The following TLE4 variants were observed in gnomAD, a reference collection of about 807,000 sequenced individuals.
The protein encoded by TLE4 is TLE family member 4, transcriptional corepressor.
In TLE4, 8 loss-of-function variants were observed where a neutral mutation model predicts 92.8. That is an observed-to-expected ratio of 0.09 (90% CI 0.05 to 0.16). The LOEUF (loss-of-function observed/expected upper bound fraction) is 0.16. TLE4 is among the 10% of genes least tolerant of loss of function. TLE4 has a pLI of 1.00. For synonymous variants in TLE4, 371 were observed against 374.1 expected (o/e 0.99, Z 0.10); for missense variants, 675 against 997.6 (o/e 0.68, Z 4.36).
At chr9:79,589,820 C>G (rs999267981) in intron 4 of TLE4, among the ~76,000 whole-genome samples, 1 of 152,092 alleles carries the variant, frequency 6.6e-6, no homozygotes, top group Admixed American at 6.5e-5. Context: ...CTGATTCTAC[C>G]CAACTGAGGC....
At position 79,574,847 on chromosome 9, in the gene TLE4, C is replaced by G. The variant is rs770245511; in HGVS notation, c.144-26C>G. 7 of 1,597,892 alleles carry G rather than the reference C, an allele frequency of 4.4e-6. No individual in the cohort carries two copies. In the Admixed American group the frequency reaches 1.2e-4, roughly 27 times the overall value. ...AAGGATGTAAGTTAAGATCATTGTA[C>G]TTAGAGTATCTTATGTCTTGAACAG... On this transcript the variant is annotated intron_variant, in intron 2 of 19. Transcript: ENST00000376552.
At chr9:79,621,796 A>T (rs1173654107) in intron 5 of TLE4, among the ~76,000 whole-genome samples, 2 of 152,136 alleles carry the variant, frequency 1.3e-5, no homozygotes. Flanking sequence ...TCTGGGTCTC[A>T]TGGTCTCTAA....
At chr9:79,696,580 A>G (rs979989010) in intron 8 of TLE4, among the ~76,000 whole-genome samples, 2 of 152,170 alleles carry the variant, frequency 1.3e-5, no homozygotes, top group African/African-American at 4.8e-5. Flanking sequence ...AAGAATATAT[A>G]TGAGAATCTG....
rs773213452 is a variant in TLE4 at position 79,726,639 on chromosome 9, G to A, written c.*1495G>A. The A allele has an allele frequency of 5.9e-5, 9 of 152,594 alleles. No homozygotes were observed. The highest frequency in any genetic ancestry group is 2.1e-4 in the South Asian group (1 of 4,826). The allele number at this position is 152,594 out of a possible 1,614,324, so 9.5% of individuals were successfully genotyped here. Reference sequence around the variant, plus strand: ...GAAAGATTTTGATACTAAACTGTGCGTTGTACATAGTTCTAATGCATTGTA... The same window carrying A: ...GAAAGATTTTGATACTAAACTGTGCATTGTACATAGTTCTAATGCATTGTA... On this transcript the variant is annotated 3_prime_UTR_variant, in exon 20 of 20. Transcript: ENST00000376552.
chr9:79,725,158 T>G lies in TLE4; in HGVS notation c.*14T>G, dbSNP rs1327271067. 3 of 1,586,306 alleles carry G rather than the reference T, an allele frequency of 1.9e-6. No individual in the cohort carries two copies. The highest frequency in any genetic ancestry group is 2.7e-5 in the African/African-American group (2 of 74,486). On this transcript the variant is annotated 3_prime_UTR_variant, in exon 20 of 20. Transcript: ENST00000376552. ...GTTATTTATTAAAGACAAATCTTCA[T>G]GCAGACTGGACTTCTCCTCCTGGTA... is the stretch of plus-strand genomic sequence containing the variant.
rs550556040 is a variant in TLE4 at position 79,711,485 on chromosome 9, A to G, written c.1340+1786A>G. On this transcript the variant is annotated intron_variant, in intron 14 of 19. Transcript: ENST00000376552. ...CATATGAACTTGTGGGGAAAGTGGAAGGGTTCCTTTAGGGAAGAAGTACTA... is the reference window on the plus strand; with the variant it reads ...CATATGAACTTGTGGGGAAAGTGGAGGGGTTCCTTTAGGGAAGAAGTACTA... 6.6e-5 allele frequency among the ~76,000 whole-genome samples: 10 copies of G among 152,328 alleles called. No individual in the cohort carries two copies. The East Asian group carries it at 1.7e-3, about 26-fold the overall frequency.
At chr9:79,706,651 G>C in intron 10 of TLE4, 96 bp from the exon 11 acceptor site, 1 of 1,427,160 alleles carries the variant, frequency 7.0e-7, no homozygotes, top group Non-Finnish European at 9.5e-7. Flanking sequence ...TTCTAAGCAT[G>C]CATTAAATGC....
intron 4 of TLE4, among the ~76,000 whole-genome samples, chr9:79,585,274 C>T (rs1428114771): frequency 1.3e-5 from 2 of 152,086 alleles, no homozygotes; most frequent in Non-Finnish European, 2.9e-5. Context: ...TTCCATTTTA[C>T]GTATGTTGGG....
rs2135967500 is a variant in TLE4, at chr9:79,708,190, A to C, written c.1009A>C (p.Ser337Arg). 6.2e-7 allele frequency: 1 copy of C among 1,614,206 alleles called. No individual in the cohort carries two copies. The highest frequency in any genetic ancestry group is 2.2e-5 in the East Asian group (1 of 44,874). Residue 337 changes from serine (S) to arginine (R), a missense_variant, in exon 12 of 20, where the codon AGT becomes CGT. By Grantham distance (110) the Ser-to-Arg change is moderately radical. Transcript: ENST00000376552. ...TPRTDAPTPG[S>R]NSTPGLRPVP... Reference sequence around the variant, plus strand: ...ACGAACTGATGCGCCCACCCCAGGCAGTAACTCTACTCCCGGATTGAGGCC... The same window carrying C: ...ACGAACTGATGCGCCCACCCCAGGCCGTAACTCTACTCCCGGATTGAGGCC...
At chr9:79,654,170 G>C in intron 8 of TLE4, 95 bp downstream of exon 8, 2 of 1,287,338 alleles carry the variant, frequency 1.6e-6, no homozygotes, top group South Asian at 2.4e-5. Context: ...TTTAGAGAAT[G>C]ATTTCATTGG....
intron 11 of TLE4, 121 bp from the exon 12 acceptor site, chr9:79,707,997 C>T: frequency 9.8e-7 from 1 of 1,019,406 alleles, no homozygotes; most frequent in Non-Finnish European, 1.4e-6. Flanking sequence ...AAAATCAAGG[C>T]CCAAGCTGAA....
At chr9:79,620,821 T>A (rs2050768050) in intron 5 of TLE4, among the ~76,000 whole-genome samples, 1 of 152,194 alleles carries the variant, frequency 6.6e-6, no homozygotes, top group South Asian at 2.1e-4. Flanking sequence ...TTACTTGGCT[T>A]CTGGGGAGGA....
intron 6 of TLE4, chr9:79,649,819 G>C (rs776166831): frequency 7.3e-7 from 1 of 1,365,444 alleles, no homozygotes; most frequent in Non-Finnish European, 9.8e-7. Context: ...TTATCCTGTA[G>C]GAGAAAAAGA....
intron 4 of TLE4, chr9:79,576,838 A>G (rs534338842): frequency 7.9e-5 from 12 of 151,970 alleles, no homozygotes; most frequent in Non-Finnish European, 1.6e-4. Context: ...GTCAGAAAGC[A>G]CTGAGAGATA....
At chr9:79,661,079 T>C (rs946083343) in intron 8 of TLE4, among the ~76,000 whole-genome samples, 2 of 152,236 alleles carry the variant, frequency 1.3e-5, no homozygotes, top group Non-Finnish European at 2.9e-5. Context: ...TGCAAAAATA[T>C]TATAACGTTT....
At chr9:79,631,616 A>ATGTGTGTGTGTGTGTGTGTGTGTG (rs57129541) in intron 6 of TLE4, among the ~76,000 whole-genome samples, 1 of 118,162 alleles carries the variant, frequency 8.5e-6, no homozygotes, top group Admixed American at 8.9e-5. Context: ...TGAACCTTAA[A>ATGTGTGTGTGTGTGTGTGTGTGTG]TGTGTGTGTG....
chr9:79,667,979 GT>G (rs1322444179), intron 8 of TLE4, among the ~76,000 whole-genome samples: 1 of 152,226 alleles, frequency 6.6e-6, no homozygotes, highest in Non-Finnish European at 1.5e-5. Flanking sequence ...CTATTTAGTA[GT>G]TTACGTGAAA....
rs76839623 is a variant in TLE4, at chr9:79,705,240, C to A, written c.729+338C>A. Among the ~76,000 whole-genome samples, 1,063 of 152,262 alleles carry A rather than the reference C, an allele frequency of 7.0e-3. 13 individuals carry two copies. Among genetic ancestry groups the A allele is most frequent in the African/African-American group, 0.025 (1,025 of 41,536 alleles). On this transcript the variant is annotated intron_variant, in intron 9 of 19. Coordinates refer to ENST00000376552, the MANE Select transcript of TLE4 (RefSeq NM_007005.6). ...ATTGTTAAGCAGAAAAATATAAAATCATAAAAAATGTGTTTAAATGCCTAG... is the reference window on the plus strand; with the variant it reads ...ATTGTTAAGCAGAAAAATATAAAATAATAAAAAATGTGTTTAAATGCCTAG...
At position 79,572,179 on chromosome 9, in the gene TLE4, A is replaced by C. The variant is rs1427361598; in HGVS notation, c.-612A>C. The stretch of plus-strand genomic sequence containing the variant: ...AAAAGACAAGAAAACAGGAAGGAAG[A>C]GAAATAAGGAAATGAGATGTGGTAA... On this transcript the variant is annotated 5_prime_UTR_variant, in exon 1 of 20. Coordinates refer to ENST00000376552, the MANE Select transcript of TLE4 (RefSeq NM_007005.6). 1.3e-5 allele frequency: 2 copies of C among 152,136 alleles called. No individual in the cohort carries two copies. Among genetic ancestry groups the C allele is most frequent in the Non-Finnish European group, 2.9e-5 (2 of 68,028 alleles). The allele number at this position is 152,136 out of a possible 1,614,324, so 9.4% of individuals were successfully genotyped here. A position where few individuals can be genotyped will look rare whatever the true frequency, so the allele number is the denominator to read the frequency against.
Sources: allele counts gnomAD v4.1 joint callset (sites outside exome capture counted in the v4.1 genomes callset), GRCh38; gene constraint gnomAD v4.1.1; transcripts MANE v1.5; gene names NCBI Gene and HGNC (gene_info 2026-07-23, HGNC 2026-07-21).